Variants in PHKA1 observed in about 807,000 individuals in gnomAD.
PHKA1 encodes phosphorylase kinase regulatory subunit alpha 1.
A neutral mutation model predicts 110.2 loss-of-function variants in PHKA1; 60 were observed. The observed-to-expected ratio is 0.54, with a 90% CI of 0.44 to 0.68. The LOEUF is 0.68. Ranked by LOEUF, PHKA1 falls within the 30% of genes least tolerant of loss-of-function variation. The probability of loss-of-function intolerance (pLI) is 0.00; values close to 1 mark genes in which losing one functional copy is unlikely to be tolerated. For missense variants in PHKA1, 801 were observed against 942.5 expected, an observed-to-expected ratio of 0.85 and a Z score of 1.97; for synonymous variants, 316 against 333.6, an observed-to-expected ratio of 0.95 and a Z score of 0.58.
intron 6 of PHKA1, among the ~76,000 whole-genome samples, chrX:72,674,209 T>C (rs1304909512): frequency 1.8e-5 from 2 of 110,979 alleles, no homozygotes; most frequent in African/African-American, 6.6e-5. Context: ...TCTATCATTG[T>C]TGGACATGTG....
rs782026485 is a variant in PHKA1 at position 72,697,800 on chromosome X, C to T, written c.286-1924G>A. Among the ~76,000 whole-genome samples, 7 of 108,794 alleles carry T rather than the reference C, an allele frequency of 6.4e-5. No homozygotes were observed. In the South Asian group the frequency reaches 1.2e-3, roughly 19 times the overall value. The allele number at this position is 108,794 out of a possible 115,157, so 94.5% of individuals were successfully genotyped here. On this transcript the variant is annotated intron_variant, in intron 3 of 31. Transcript: ENST00000373542. ...GAGATCGAGACCATCCTGGCTAACACGGTGAAACCCTGTCTCTACTAAAAA... is the reference window on the plus strand; with the variant it reads ...GAGATCGAGACCATCCTGGCTAACATGGTGAAACCCTGTCTCTACTAAAAA...
chrX:72,670,665 A>C (rs1395683169), intron 6 of PHKA1, among the ~76,000 whole-genome samples: 1 of 111,907 alleles, frequency 8.9e-6, no homozygotes, highest in Non-Finnish European at 1.9e-5. Context: ...TCCCTGATGA[A>C]CATCGATGCA....
At chrX:72,681,317 C>A (rs1454360060) in intron 5 of PHKA1, among the ~76,000 whole-genome samples, 1 of 109,353 alleles carries the variant, frequency 9.1e-6, no homozygotes, top group Non-Finnish European at 2.0e-5. Context: ...AGTGAGGAGC[C>A]CCTCCGCCCG....
chrX:72,655,430 A>G (rs1194200147), intron 10 of PHKA1, among the ~76,000 whole-genome samples: 6 of 111,594 alleles, frequency 5.4e-5, no homozygotes, highest in African/African-American at 2.0e-4. Context: ...TGACAACAAA[A>G]AAAGATTGCA....
intron 2 of PHKA1, among the ~76,000 whole-genome samples, chrX:72,707,636 T>C (rs1368127172): frequency 2.9e-5 from 3 of 102,204 alleles, no homozygotes; most frequent in African/African-American, 1.2e-4. Context: ...AAATCGTGTG[T>C]GTGTGTGTGT....
In PHKA1 at chrX:72,580,964, G is replaced by C. The variant is rs1252077273; in HGVS notation, c.*38C>G. 8.6e-7 allele frequency: 1 copy of C among 1,165,591 alleles called. No homozygotes were observed. Among genetic ancestry groups the C allele is most frequent in the Non-Finnish European group, 1.2e-6 (1 of 855,554 alleles). The stretch of plus-strand genomic sequence containing the variant: ...GCACAATCAACCGAGGCAGGGACCA[G>C]CTGTCAAAAGGCTCCCAGAAGCCAG... On this transcript the variant is annotated 3_prime_UTR_variant, in exon 32 of 32. Transcript: ENST00000373542.
At chrX:72,598,895 C>T (rs953838486) in intron 28 of PHKA1, among the ~76,000 whole-genome samples, 2 of 110,543 alleles carry the variant, frequency 1.8e-5, no homozygotes, top group Non-Finnish European at 3.8e-5. Flanking sequence ...AAGAAAAGAG[C>T]CCCCAAACAT....
intron 2 of PHKA1, chrX:72,712,469 T>A (rs1168258317): frequency 3.0e-6 from 1 of 336,983 alleles, no homozygotes; most frequent in African/African-American, 2.6e-5. Flanking sequence ...CAGTGGTGAC[T>A]ACAAGATAGA....
intron 5 of PHKA1, among the ~76,000 whole-genome samples, chrX:72,681,363 G>A (rs1452355153): frequency 1.5e-4 from 17 of 112,785 alleles, no homozygotes; most frequent in Admixed American, 4.6e-4. Context: ...GAGCCTCTCC[G>A]CCCGGCAGCC....
chrX:72,702,395 A>G (rs782562229), intron 3 of PHKA1, among the ~76,000 whole-genome samples: 1 of 110,843 alleles, frequency 9.0e-6, no homozygotes, highest in Admixed American at 9.6e-5. Flanking sequence ...GGTTGCAGTG[A>G]GCCGAGATCA....
intron 16 of PHKA1, among the ~76,000 whole-genome samples, chrX:72,631,003 T>TTC (rs1240764164): frequency 5.2e-5 from 5 of 96,882 alleles, no homozygotes; most frequent in Non-Finnish European, 1.0e-4. Flanking sequence ...TTTCAGGTTT[T>TTC]TTTTTTTTTT....
At chrX:72,669,097 G>A (rs1556307634) in intron 6 of PHKA1, among the ~76,000 whole-genome samples, 1 of 112,198 alleles carries the variant, frequency 8.9e-6, no homozygotes, top group Non-Finnish European at 1.9e-5. Context: ...TGCCCCTGTG[G>A]CTTTGATGGG....
In PHKA1 at chrX:72,615,396, G is replaced by A. The variant is rs142150191; in HGVS notation, c.2369+3314C>T. On this transcript the variant is annotated intron_variant, in intron 21 of 31. Coordinates refer to ENST00000373542, the MANE Select transcript of PHKA1 (RefSeq NM_002637.4). ...AATTACTTACATCTTTAGTATGAAGGTTAAAAGACAAAACCATTAAAAATA... is the reference window on the plus strand; with the variant it reads ...AATTACTTACATCTTTAGTATGAAGATTAAAAGACAAAACCATTAAAAATA... Among the ~76,000 whole-genome samples the A allele has an allele frequency of 3.3e-3, 363 of 111,078 alleles. 1 individual carries two copies. The highest frequency in any genetic ancestry group is 0.011 in the African/African-American group (350 of 30,581).
intron 28 of PHKA1, among the ~76,000 whole-genome samples, chrX:72,599,655 A>G (rs1324243013): frequency 7.1e-5 from 8 of 111,912 alleles, no homozygotes; most frequent in Admixed American, 6.6e-4. Context: ...ATGTTATTGG[A>G]AAATAAATGA....
intron 28 of PHKA1, among the ~76,000 whole-genome samples, chrX:72,600,966 G>A (rs1157982561): frequency 2.7e-5 from 3 of 112,312 alleles, no homozygotes; most frequent in African/African-American, 9.7e-5. Context: ...AACAGGAGTA[G>A]TTTTAAGCTT....
intron 17 of PHKA1, among the ~76,000 whole-genome samples, chrX:72,623,608 A>G: frequency 9.0e-6 from 1 of 111,181 alleles, no homozygotes; most frequent in Non-Finnish European, 1.9e-5. Flanking sequence ...AAGCCTGGAG[A>G]GAATGAAGAT....
chrX:72,649,759 C>T (rs946214402), intron 13 of PHKA1, among the ~76,000 whole-genome samples: 5 of 110,499 alleles, frequency 4.5e-5, no homozygotes, highest in South Asian at 7.8e-4. Flanking sequence ...TTTGGGAGGC[C>T]GAGACAGGCA....
intron 5 of PHKA1, among the ~76,000 whole-genome samples, chrX:72,677,984 G>C (rs2053799849): frequency 9.0e-6 from 1 of 111,535 alleles, no homozygotes; most frequent in Non-Finnish European, 1.9e-5. Flanking sequence ...GGAGGTTGAA[G>C]CTGAAGTAAG....
At chrX:72,600,670 T>C (rs782722901) in intron 28 of PHKA1, among the ~76,000 whole-genome samples, 23 of 111,276 alleles carry the variant, frequency 2.1e-4, no homozygotes, top group Non-Finnish European at 4.2e-4. Context: ...CACTGGCTCA[T>C]TGTCTTCCTA....
Sources: gnomAD v4.1 joint callset for allele counts (sites outside exome capture counted in the v4.1 genomes callset) on GRCh38, gnomAD v4.1.1 for gene constraint, MANE v1.5 for transcripts, NCBI Gene and HGNC (gene_info 2026-07-23, HGNC 2026-07-21) for gene names.